Variants in MTCH2 observed in about 807,000 individuals in gnomAD.
MTCH2 encodes the protein mitochondrial carrier 2, also known as mitochondrial carrier homolog 2.
MTCH2 carries 25 observed loss-of-function variants against 50.6 expected under a neutral mutation model. The observed-to-expected ratio is 0.49, with a 90% CI of 0.36 to 0.69. The LOEUF (loss-of-function observed/expected upper bound fraction) is 0.69. Ranked by LOEUF, MTCH2 falls within the 30% of genes least tolerant of loss-of-function variation. The pLI, the probability that MTCH2 is intolerant of heterozygous loss-of-function variation, is 0.00. For synonymous variants in MTCH2, 106 were observed against 132.0 expected, an observed-to-expected ratio of 0.80 and a Z score of 1.35; for missense variants, 273 against 384.4, an observed-to-expected ratio of 0.71 and a Z score of 2.42.
chr11:47,639,761 CCGG>C (rs1343017526), intron 1 of MTCH2, among the ~76,000 whole-genome samples: 1 of 152,074 alleles, frequency 6.6e-6, no homozygotes, highest in East Asian at 1.9e-4. Context: ...TCACTTGAAC[CCGG>C]GAGGCAGAGG....
rs184058368 is a variant in MTCH2 at position 47,629,339 on chromosome 11, G to A, written c.540-293C>T. ...GTAAGCAGGGAGGCAAAAGATTTGC[G>A]AGGTGCTTTGCAGAAGAGACTTAAA... On this transcript the variant is annotated intron_variant, in intron 8 of 12. Transcript: ENST00000302503. The A allele has an allele frequency of 8.0e-5, 27 of 337,044 alleles. 1 individual carries two copies. The East Asian group carries it at 1.3e-3, about 16-fold the overall frequency. 20.9% of individuals were successfully genotyped at this position (337,044 alleles called of 1,614,324 possible).
At chr11:47,613,173 G>A (rs1349275126), downstream of MTCH2, among the ~76,000 whole-genome samples, 1 of 151,836 alleles carries the variant, frequency 6.6e-6, no homozygotes, top group Non-Finnish European at 1.5e-5. Flanking sequence ...CTCCCAAAGT[G>A]CTGGGATTGG....
the MTCH2 span, among the ~76,000 whole-genome samples, chr11:47,607,050 C>A: frequency 3.9e-5 from 6 of 152,176 alleles, no homozygotes; most frequent in African/African-American, 1.4e-4. Flanking sequence ...TGGCAGTGTG[C>A]TGTGGTGTAA....
At chr11:47,619,383 G>A (rs374974938) in intron 12 of MTCH2, among the ~76,000 whole-genome samples, 10 of 152,040 alleles carry the variant, frequency 6.6e-5, no homozygotes, top group East Asian at 5.8e-4. Flanking sequence ...AAAGGAACGC[G>A]CCACCGTGCC....
intron 4 of MTCH2, 32 bp downstream of exon 4, chr11:47,635,513 G>C (rs2097307705): frequency 6.2e-7 from 1 of 1,610,456 alleles, no homozygotes; most frequent in Non-Finnish European, 8.5e-7. Context: ...CAAGGGAAAG[G>C]CCCTCATGCT....
At chr11:47,634,838 T>C in intron 4 of MTCH2, 104 bp from the exon 5 acceptor site, 1 of 702,830 alleles carries the variant, frequency 1.4e-6, no homozygotes, top group Non-Finnish European at 2.2e-6. Context: ...AGTGGCACAA[T>C]CTCGGCTCAC....
chr11:47,626,860 A>G (rs779262741), intron 10 of MTCH2, among the ~76,000 whole-genome samples: 10 of 151,960 alleles, frequency 6.6e-5, no homozygotes, highest in Non-Finnish European at 1.3e-4. Flanking sequence ...TGATCCGCCC[A>G]CCTCACCTTC....
At chr11:47,638,216 A>G (rs1456068969) in intron 3 of MTCH2, among the ~76,000 whole-genome samples, 1 of 151,016 alleles carries the variant, frequency 6.6e-6, no homozygotes, top group African/African-American at 2.4e-5. Flanking sequence ...CTCTTTGGCT[A>G]GATGACAACT....
At chr11:47,622,965 A>T (rs1487772984) in intron 11 of MTCH2, among the ~76,000 whole-genome samples, 189 bp from the exon 12 acceptor site, 1 of 152,234 alleles carries the variant, frequency 6.6e-6, no homozygotes. Flanking sequence ...CCCTATATTT[A>T]GGTTTCAAAT....
downstream of MTCH2, among the ~76,000 whole-genome samples, chr11:47,616,125 A>G (rs904263338): frequency 6.6e-6 from 1 of 151,448 alleles, no homozygotes; most frequent in Non-Finnish European, 1.5e-5. Context: ...CGCCCAGCTA[A>G]TTTTCCTCCC....
At chr11:47,619,110 T>A (rs2097290880) in intron 12 of MTCH2, among the ~76,000 whole-genome samples, 191 bp from the exon 13 acceptor site, 1 of 152,212 alleles carries the variant, frequency 6.6e-6, no homozygotes, top group South Asian at 2.1e-4. Context: ...TTCTCCTTAT[T>A]AAGTTCTTAC....
chr11:47,606,067 C>T, the MTCH2 span, among the ~76,000 whole-genome samples: 1 of 152,308 alleles, frequency 6.6e-6, no homozygotes, highest in East Asian at 1.9e-4. Context: ...CTTTTCGCCG[C>T]AGCTTTCATA....
intron 6 of MTCH2, 121 bp from the exon 7 acceptor site, chr11:47,631,208 A>T: frequency 1.4e-6 from 1 of 712,722 alleles, no homozygotes; most frequent in Non-Finnish European, 2.4e-6. Context: ...CAGGAGTTCA[A>T]GACTAGCCTG....
chr11:47,609,143 AAAAG>A, the MTCH2 span, among the ~76,000 whole-genome samples: 2 of 147,182 alleles, frequency 1.4e-5, no homozygotes, highest in South Asian at 4.3e-4. Context: ...AAAAAAAAAA[AAAAG>A]AAAAAAGAAA....
chr11:47,629,251 T>C (rs916700859), intron 8 of MTCH2: 2 of 529,370 alleles, frequency 3.8e-6, no homozygotes, highest in Non-Finnish European at 6.8e-6. Flanking sequence ...CAGTGACTTT[T>C]GTTCCTATGT....
intron 12 of MTCH2, 31 bp downstream of exon 12, chr11:47,622,665 CAAAAT>C: frequency 6.9e-7 from 1 of 1,457,208 alleles, no homozygotes; most frequent in Non-Finnish European, 9.3e-7. Context: ...AAAAATAAAA[CAAAAT>C]AAAATGAGAG....
At chr11:47,641,739 T>G (rs2097314357) in intron 1 of MTCH2, among the ~76,000 whole-genome samples, 1 of 152,192 alleles carries the variant, frequency 6.6e-6, no homozygotes, top group South Asian at 2.1e-4. Context: ...TGATTTTCAT[T>G]GTCAGGAGCC....
chr11:47,614,383 A>G (rs2097287186), downstream of MTCH2, among the ~76,000 whole-genome samples: 1 of 152,198 alleles, frequency 6.6e-6, no homozygotes. Flanking sequence ...CTACTAACCA[A>G]TCTGTTCTCC....
intron 3 of MTCH2, among the ~76,000 whole-genome samples, chr11:47,636,990 C>G (rs1565975553): frequency 1.4e-5 from 2 of 144,384 alleles, no homozygotes; most frequent in Non-Finnish European, 3.0e-5. Flanking sequence ...TGGAGTTTCA[C>G]TCTTGTCACC....
Sources: gnomAD v4.1 joint callset for allele counts (sites outside exome capture counted in the v4.1 genomes callset) on GRCh38, gnomAD v4.1.1 for gene constraint, MANE v1.5 for transcripts, NCBI Gene and HGNC (gene_info 2026-07-23, HGNC 2026-07-21) for gene names.